The following TMPRSS4 variants were observed in gnomAD, a reference collection of about 807,000 sequenced individuals.
The protein encoded by TMPRSS4 is transmembrane serine protease 4.
A neutral mutation model predicts 56.4 loss-of-function variants in TMPRSS4; 45 were observed. The observed-to-expected ratio is 0.80, with a 90% CI of 0.63 to 1.02. The LOEUF (loss-of-function observed/expected upper bound fraction) is 1.02, where lower values mean the gene tolerates loss of function less well. TMPRSS4 is among the 50% of genes least tolerant of loss of function. TMPRSS4 has a pLI of 0.00. For synonymous variants in TMPRSS4, 205 were observed against 211.0 expected (o/e 0.97, Z 0.25); for missense variants, 546 against 556.7 (o/e 0.98, Z 0.19).
intron 3 of TMPRSS4, among the ~76,000 whole-genome samples, chr11:118,101,651 A>G (rs751148653): frequency 2.6e-5 from 4 of 151,922 alleles, no homozygotes; most frequent in Non-Finnish European, 5.9e-5. Context: ...TTCTTTTTTT[A>G]ATTTTTCGTA....
chr11:118,088,616 C>A (rs1358629771), intron 1 of TMPRSS4, among the ~76,000 whole-genome samples: 1 of 152,154 alleles, frequency 6.6e-6, no homozygotes, highest in Non-Finnish European at 1.5e-5. Context: ...TGGGCTGGAC[C>A]CATGAGTCAG....
chr11:118,115,006 G>T, intron 10 of TMPRSS4, 79 bp downstream of exon 10: 1 of 1,549,456 alleles, frequency 6.5e-7, no homozygotes, highest in South Asian at 1.2e-5. Context: ...TGGGAAGGAG[G>T]ACCACCCTTC....
intron 2 of TMPRSS4, among the ~76,000 whole-genome samples, chr11:118,098,239 A>G (rs1239254246): frequency 6.6e-6 from 1 of 151,268 alleles, no homozygotes; most frequent in Non-Finnish European, 1.5e-5. Flanking sequence ...TTCCCCTGGT[A>G]CCCCAGGCAC....
chr11:118,091,073 G>T (rs1945914988), intron 1 of TMPRSS4, among the ~76,000 whole-genome samples: 1 of 152,172 alleles, frequency 6.6e-6, no homozygotes, highest in African/African-American at 2.4e-5. Context: ...TGAATTGACA[G>T]GAAAGGGCCC....
At chr11:118,084,580 G>A (rs542063252) in intron 1 of TMPRSS4, among the ~76,000 whole-genome samples, 7 of 152,320 alleles carry the variant, frequency 4.6e-5, no homozygotes, top group East Asian at 1.9e-4. Context: ...CAGAACAAAC[G>A]AGAATCCTCA....
downstream of TMPRSS4, among the ~76,000 whole-genome samples, chr11:118,123,991 T>C (rs1234337919): frequency 1.3e-5 from 2 of 152,208 alleles, no homozygotes; most frequent in African/African-American, 4.8e-5. Context: ...TTAATTTCAT[T>C]ATGTGTGACA....
Position 118,092,458 on chromosome 11 carries a change from C to A in TMPRSS4, c.4-2358C>A, listed in dbSNP as rs536606091. 2.0e-5 allele frequency among the ~76,000 whole-genome samples: 3 copies of A among 152,274 alleles called. No individual in the cohort carries two copies. In the East Asian group the frequency reaches 5.8e-4, roughly 29 times the overall value. On this transcript the variant is annotated intron_variant, in intron 1 of 12. Transcript: ENST00000437212. ...GCTGTCTTCTTGCGCTCAGTCAGTT[C>A]CTGGGCGGGGGCCGCCAGATCAGAT... is the stretch of plus-strand genomic sequence containing the variant.
chr11:118,104,916 G>A lies in TMPRSS4; in HGVS notation c.440+96G>A, dbSNP rs78857468. The A allele has an allele frequency of 2.5e-3, 3,267 of 1,319,392 alleles. 56 individuals carry two copies. In the African/African-American group the frequency reaches 0.041, roughly 17 times the overall value. 81.7% of individuals were successfully genotyped at this position (1,319,392 alleles called of 1,614,324 possible). ...TTCTTCTCTCTTTCCTAAAAATTAC[G>A]GGCATTGGAGCCAGGCAGAATGGCT... On this transcript the variant is annotated intron_variant, in intron 5 of 12. Transcript: ENST00000437212.
intron 1 of TMPRSS4, among the ~76,000 whole-genome samples, chr11:118,092,182 G>A (rs1192898638): frequency 1.3e-5 from 2 of 152,066 alleles, no homozygotes; most frequent in Admixed American, 6.5e-5. Context: ...GCAGAGGATG[G>A]TGTAACCGCC....
In TMPRSS4 at chr11:118,077,283, G is replaced by A. The variant is rs75506509; in HGVS notation, c.-20G>A. 1.5e-4 allele frequency: 243 copies of A among 1,601,042 alleles called. 1 individual carries two copies. The highest frequency in any genetic ancestry group is 6.6e-4 in the Middle Eastern group (4 of 6,034). On this transcript the variant is annotated 5_prime_UTR_variant, in exon 1 of 13. Transcript: ENST00000437212. ...CTCAGCTCCAGGCTACAGGGAGACC[G>A]GGAGGATCACAGAGCCAGCATGGTG... is the stretch of plus-strand genomic sequence containing the variant.
chr11:118,113,675 G>A (rs1163233445), intron 9 of TMPRSS4, among the ~76,000 whole-genome samples: 1 of 152,150 alleles, frequency 6.6e-6, no homozygotes, highest in East Asian at 1.9e-4. Context: ...TCCCTATGTG[G>A]AGCCCCTCGA....
At chr11:118,107,595 T>G (rs1947057850) in intron 5 of TMPRSS4, 179 bp from the exon 6 acceptor site, 1 of 532,284 alleles carries the variant, frequency 1.9e-6, no homozygotes, top group Non-Finnish European at 3.4e-6. Flanking sequence ...AAGGGTCGGT[T>G]CTTTATTGTA....
intron 5 of TMPRSS4, chr11:118,107,489 A>AACATT (rs1459758024): frequency 1.4e-5 from 4 of 289,834 alleles, no homozygotes; most frequent in Non-Finnish European, 2.6e-5. Flanking sequence ...GGAGACCCCT[A>AACATT]ACATTTCTCC....
chr11:118,118,965 G>T lies in TMPRSS4; in HGVS notation c.*1052G>T. ...TGAATAAGTCCCTGCACTCAAAATG[G>T]TCAAAGAATTAAACCCCATGGACTT... On this transcript the variant is annotated 3_prime_UTR_variant, in exon 13 of 13. Transcript: ENST00000437212. 1.0e-6 allele frequency: 1 copy of T among 985,366 alleles called. No individual in the cohort carries two copies. The highest frequency in any genetic ancestry group is 1.2e-6 in the Non-Finnish European group (1 of 829,924). The allele number at this position is 985,366 out of a possible 1,614,324, so 61.0% of individuals were successfully genotyped here. A position where few individuals can be genotyped will look rare whatever the true frequency, so the allele number is the denominator to read the frequency against.
chr11:118,118,330 A>G lies in TMPRSS4; in HGVS notation c.*417A>G. Reference sequence around the variant, plus strand: ...GTCTTCACCCATCCCCAAGCCTACTAGAGCAAGAAACCAGTTGTAATATAA... The same window carrying G: ...GTCTTCACCCATCCCCAAGCCTACTGGAGCAAGAAACCAGTTGTAATATAA... On this transcript the variant is annotated 3_prime_UTR_variant, in exon 13 of 13. Transcript: ENST00000437212. 8.5e-6 allele frequency: 9 copies of G among 1,053,014 alleles called. No individual in the cohort carries two copies. The highest frequency in any genetic ancestry group is 1.0e-5 in the Non-Finnish European group (9 of 874,152). The allele number at this position is 1,053,014 out of a possible 1,614,324, so 65.2% of individuals were successfully genotyped here. A position where few individuals can be genotyped will look rare whatever the true frequency, so the allele number is the denominator to read the frequency against.
At chr11:118,083,995 G>A (rs943157712) in intron 1 of TMPRSS4, among the ~76,000 whole-genome samples, 3 of 152,038 alleles carry the variant, frequency 2.0e-5, no homozygotes, top group Admixed American at 6.6e-5. Flanking sequence ...CCGAGACAGC[G>A]CCACTGCACT....
At chr11:118,111,647 C>G in intron 7 of TMPRSS4, 94 bp from the exon 8 acceptor site, 2 of 1,023,150 alleles carry the variant, frequency 2.0e-6, no homozygotes, top group Non-Finnish European at 2.7e-6. Flanking sequence ...GCCATAAGGG[C>G]CCTGCTTAGA....
intron 1 of TMPRSS4, chr11:118,087,625 A>G (rs923500092): frequency 7.2e-5 from 11 of 152,112 alleles, no homozygotes; most frequent in Non-Finnish European, 4.4e-5. Flanking sequence ...GCTTCTCTGC[A>G]GCCACTTAAG....
chr11:118,107,661 C>T, intron 5 of TMPRSS4, 113 bp from the exon 6 acceptor site: 1 of 840,234 alleles, frequency 1.2e-6, no homozygotes, highest in Non-Finnish European at 1.9e-6. Flanking sequence ...CCTGGCCACT[C>T]CCCACCAAGC....
Sources: gnomAD v4.1 joint callset for allele counts (sites outside exome capture counted in the v4.1 genomes callset) on GRCh38, gnomAD v4.1.1 for gene constraint, MANE v1.5 for transcripts, NCBI Gene and HGNC (gene_info 2026-07-23, HGNC 2026-07-21) for gene names.